The following P4HA3 variants were observed in gnomAD, a reference collection of about 807,000 sequenced individuals.
The protein encoded by P4HA3 is prolyl 4-hydroxylase subunit alpha-3.
A neutral mutation model predicts 66.7 loss-of-function variants in P4HA3; 60 were observed. The observed-to-expected ratio is 0.90, with a 90% CI of 0.73 to 1.12. The LOEUF is 1.12. P4HA3 is among the 50% of genes most tolerant of loss of function. The pLI, the probability that P4HA3 is intolerant of heterozygous loss-of-function variation, is 0.00. For synonymous variants in P4HA3, 263 were observed against 274.6 expected (o/e 0.96, Z 0.42); for missense variants, 683 against 685.8 (o/e 1.00, Z 0.05).
intron 10 of P4HA3, among the ~76,000 whole-genome samples, chr11:74,271,407 T>C (rs535549349): frequency 2.6e-4 from 39 of 152,302 alleles, no homozygotes; most frequent in African/African-American, 9.1e-4. Context: ...GCCAACACAT[T>C]AAAAAGAAAA....
At chr11:74,296,934 CTTTTTTTT>C (rs540922878) in intron 4 of P4HA3, among the ~76,000 whole-genome samples, 4 of 123,904 alleles carry the variant, frequency 3.2e-5, no homozygotes, top group Non-Finnish European at 5.0e-5. Flanking sequence ...TTCTTTTTTT[CTTTTTTTT>C]TTTTTTTTGA....
chr11:74,311,408 T>C lies in P4HA3; in HGVS notation c.200+4A>G, dbSNP rs746077670. Reference sequence around the variant, plus strand: ...TCGGTCGCTCCCACTCGTCGTGCCCTCACCTAGTCAGGTCCCGCAGCCGCG... The same window carrying C: ...TCGGTCGCTCCCACTCGTCGTGCCCCCACCTAGTCAGGTCCCGCAGCCGCG... On this transcript the variant is annotated splice_donor_region_variant and intron_variant, in intron 1 of 12. Transcript: ENST00000331597. 2.7e-6 allele frequency: 4 copies of C among 1,507,586 alleles called. No homozygotes were observed. Among genetic ancestry groups the C allele is most frequent in the African/African-American group, 2.9e-5 (2 of 69,920 alleles). 93.4% of individuals were successfully genotyped at this position (1,507,586 alleles called of 1,614,324 possible).
intron 4 of P4HA3, among the ~76,000 whole-genome samples, chr11:74,296,361 AT>A (rs888145192): frequency 2.6e-5 from 4 of 152,080 alleles, no homozygotes; most frequent in African/African-American, 9.7e-5. Context: ...AGTTATTAAA[AT>A]TTTTTTTACT....
intron 3 of P4HA3, among the ~76,000 whole-genome samples, chr11:74,300,175 T>C (rs1278405496): frequency 1.3e-5 from 2 of 152,182 alleles, no homozygotes; most frequent in East Asian, 1.9e-4. Context: ...CAAAACTCTC[T>C]GGAGGGATAT....
At chr11:74,262,685 C>G (rs1180383201), downstream of P4HA3, among the ~76,000 whole-genome samples, 2 of 152,186 alleles carry the variant, frequency 1.3e-5, no homozygotes, top group Non-Finnish European at 2.9e-5. Context: ...TTTCCTCCCC[C>G]TAGCCCTTAG....
chr11:74,311,061 C>T (rs1459139219), intron 1 of P4HA3, among the ~76,000 whole-genome samples: 3 of 152,112 alleles, frequency 2.0e-5, no homozygotes, highest in African/African-American at 7.2e-5. Context: ...CACCCCGCCC[C>T]GCTCTTCCAC....
downstream of P4HA3, among the ~76,000 whole-genome samples, chr11:74,264,393 C>T (rs557189615): frequency 2.5e-4 from 38 of 152,268 alleles, no homozygotes; most frequent in African/African-American, 8.7e-4. Context: ...CTGGTCTCTC[C>T]TTCTCAGCCT....
At chr11:74,251,805 C>T (rs1565398337) in intron 15 of P4HA3, 2 of 1,521,784 alleles carry the variant, frequency 1.3e-6, no homozygotes, top group Non-Finnish European at 1.8e-6. Context: ...CTCTGCCTTA[C>T]CCCTGCCTGG....
At chr11:74,299,751 A>G (rs916432391) in intron 3 of P4HA3, among the ~76,000 whole-genome samples, 1 of 151,688 alleles carries the variant, frequency 6.6e-6, no homozygotes, top group African/African-American at 2.4e-5. Context: ...TTATGAGCAG[A>G]TGCTGATGTT....
chr11:74,267,777 CTCT>C (rs925750271), intron 12 of P4HA3, among the ~76,000 whole-genome samples: 2 of 152,164 alleles, frequency 1.3e-5, no homozygotes, highest in African/African-American at 4.8e-5. Flanking sequence ...GCTTATTGAT[CTCT>C]TCTTTGTTTT....
chr11:74,268,819 T>C (rs982629303), intron 11 of P4HA3, among the ~76,000 whole-genome samples: 5 of 152,214 alleles, frequency 3.3e-5, no homozygotes, highest in Non-Finnish European at 7.4e-5. Context: ...TGACGCTAAA[T>C]CCTGTATGTT....
chr11:74,287,719 G>T (rs1860847966), intron 5 of P4HA3, among the ~76,000 whole-genome samples: 1 of 152,174 alleles, frequency 6.6e-6, no homozygotes, highest in Non-Finnish European at 1.5e-5. Context: ...TAGTGATTTT[G>T]TATCTCATTG....
At chr11:74,278,469 G>A in intron 8 of P4HA3, among the ~76,000 whole-genome samples, 1 of 152,152 alleles carries the variant, frequency 6.6e-6, no homozygotes, top group East Asian at 1.9e-4. Flanking sequence ...GTGACCTTTG[G>A]GAGACCAGCT....
At chr11:74,283,129 T>C (rs547075913) in intron 7 of P4HA3, among the ~76,000 whole-genome samples, 12 of 152,254 alleles carry the variant, frequency 7.9e-5, no homozygotes, top group Admixed American at 3.9e-4. Context: ...CAGGGCTGAT[T>C]CCTGGGAGAG....
In P4HA3 at chr11:74,253,657, C is replaced by G. The variant is rs80199049; in HGVS notation, c.*1319-5656G>C. Reference sequence around the variant, plus strand: ...GACGGGCACCCCGAGATGTACCAACCTTTTCATGTATTCTGCCAAAAGCAT... The same window carrying G: ...GACGGGCACCCCGAGATGTACCAACGTTTTCATGTATTCTGCCAAAAGCAT... On this transcript the variant is annotated intron_variant and NMD_transcript_variant, in intron 15 of 15. Coordinates refer to the P4HA3 transcript ENST00000524388. 1.1e-3 allele frequency: 946 copies of G among 849,396 alleles called. 9 individuals are homozygous for G. In the African/African-American group the frequency reaches 0.013, roughly 12 times the overall value. The allele number at this position is 849,396 out of a possible 1,614,324, so 52.6% of individuals were successfully genotyped here. A position where few individuals can be genotyped will look rare whatever the true frequency, so the allele number is the denominator to read the frequency against.
At chr11:74,299,352 G>A (rs1861328086) in intron 3 of P4HA3, among the ~76,000 whole-genome samples, 1 of 152,198 alleles carries the variant, frequency 6.6e-6, no homozygotes, top group African/African-American at 2.4e-5. Context: ...TAATTAGGGT[G>A]TAACTTCCTG....
chr11:74,298,191 G>A lies in P4HA3; in HGVS notation c.717+21C>T. ...TTTCACTTAGTATAATAAAAGCAGT[G>A]AGCTTCACTTACTCCCTTACCCGGA... On this transcript the variant is annotated intron_variant, in intron 4 of 12. Transcript: ENST00000331597. The A allele has an allele frequency of 9.9e-6, 16 of 1,609,080 alleles. 1 individual carries two copies. Among genetic ancestry groups the A allele is most frequent in the Non-Finnish European group, 1.3e-5 (15 of 1,177,364 alleles).
chr11:74,286,279 G>A lies in P4HA3; in HGVS notation c.882C>T (p.His294=). 6.2e-7 allele frequency: 1 copy of A among 1,613,166 alleles called. No individual in the cohort carries two copies. Among genetic ancestry groups the A allele is most frequent in the East Asian group, 2.2e-5 (1 of 44,860 alleles). Residue 294 remains histidine (H), a synonymous_variant, in exon 6 of 13, where the codon CAC becomes CAT. Transcript: ENST00000331597. ...CCTCGTAGGTGTCTCTGGTCTGCAG[G>A]TGGGGTATATTGGGCCTCTGGATGA... is the stretch of plus-strand genomic sequence containing the variant. ...EAVIQRPNIP[H]LQTRDTYEGL... is the part of the protein sequence containing the mutation.
intron 6 of P4HA3, 79 bp downstream of exon 6, chr11:74,286,149 C>A: frequency 1.3e-6 from 2 of 1,535,280 alleles, no homozygotes; most frequent in East Asian, 2.3e-5. Context: ...TCAGCTCTAT[C>A]CCCTCATGTT....
Sources: gnomAD v4.1 joint callset for allele counts (sites outside exome capture counted in the v4.1 genomes callset) on GRCh38, gnomAD v4.1.1 for gene constraint, MANE v1.5 for transcripts, NCBI Gene and HGNC (gene_info 2026-07-23, HGNC 2026-07-21) for gene names.